Variants in PRKAG2 observed in about 807,000 individuals in gnomAD.
PRKAG2 encodes the protein 5'-AMP-activated protein kinase subunit gamma-2.
Under a neutral mutation model 69.6 loss-of-function variants are expected in PRKAG2, and 26 were observed. The observed-to-expected ratio is 0.37, with a 90% CI of 0.27 to 0.52. The LOEUF is 0.52. Among genes scored for constraint, PRKAG2 ranks in the 20% least tolerant of loss-of-function variants. The probability of loss-of-function intolerance (pLI) is 0.90; values close to 1 mark genes in which losing one functional copy is unlikely to be tolerated. For missense variants in PRKAG2, 557 were observed against 740.0 expected, an observed-to-expected ratio of 0.75 and a Z score of 2.87; for synonymous variants, 293 against 285.0, an observed-to-expected ratio of 1.03 and a Z score of -0.28.
At chr7:151,725,832 G>A (rs1252287514) in intron 3 of PRKAG2, among the ~76,000 whole-genome samples, 2 of 152,172 alleles carry the variant, frequency 1.3e-5, no homozygotes, top group African/African-American at 4.8e-5. Context: ...GAAAGAGGCC[G>A]AGAGGAGCTA....
At chr7:151,608,119 G>T (rs1328510773) in intron 5 of PRKAG2, among the ~76,000 whole-genome samples, 2 of 152,162 alleles carry the variant, frequency 1.3e-5, no homozygotes, top group African/African-American at 4.8e-5. Flanking sequence ...GGATGCCAAG[G>T]ACTGCCGGCA....
At chr7:151,740,227 C>T (rs962967410) in intron 3 of PRKAG2, among the ~76,000 whole-genome samples, 7 of 152,252 alleles carry the variant, frequency 4.6e-5, no homozygotes, top group South Asian at 2.1e-4. Context: ...GCACAGCAGA[C>T]GCCCGAAGGA....
At chr7:151,586,114 G>A (rs1308421033) in intron 6 of PRKAG2, among the ~76,000 whole-genome samples, 2 of 152,204 alleles carry the variant, frequency 1.3e-5, no homozygotes, top group Non-Finnish European at 2.9e-5. Flanking sequence ...AATGGCCCAC[G>A]AGAGGCATCC....
At chr7:151,718,653 A>T (rs1796565106) in intron 3 of PRKAG2, among the ~76,000 whole-genome samples, 1 of 128,284 alleles carries the variant, frequency 7.8e-6, no homozygotes. Flanking sequence ...CAAACAAAAA[A>T]ACCCAGGTTT....
chr7:151,863,772 G>A (rs983471311), intron 1 of PRKAG2, among the ~76,000 whole-genome samples: 4 of 152,034 alleles, frequency 2.6e-5, no homozygotes, highest in Non-Finnish European at 5.9e-5. Context: ...AAAATTAGCC[G>A]GGCTTGGTGG....
chr7:151,725,151 G>A (rs1043912650), intron 3 of PRKAG2, among the ~76,000 whole-genome samples: 3 of 152,038 alleles, frequency 2.0e-5, no homozygotes, highest in African/African-American at 7.3e-5. Flanking sequence ...CGTGTCCATC[G>A]ACGCATGAAC....
At chr7:151,863,833 C>A (rs1251973171) in intron 1 of PRKAG2, among the ~76,000 whole-genome samples, 1 of 151,788 alleles carries the variant, frequency 6.6e-6, no homozygotes, top group East Asian at 1.9e-4. Flanking sequence ...ATCGCTTGAG[C>A]TCAGGAGTTC....
intron 1 of PRKAG2, among the ~76,000 whole-genome samples, chr7:151,845,725 T>C (rs1414105743): frequency 2.0e-5 from 3 of 152,134 alleles, no homozygotes; most frequent in African/African-American, 7.2e-5. Flanking sequence ...GGGCGGCAGG[T>C]AGTGGGAGCC....
In PRKAG2 at chr7:151,876,638, G is replaced by T; in HGVS notation, c.-18C>A. The T allele has an allele frequency of 1.2e-6, 2 of 1,604,420 alleles. No homozygotes were observed. ...CTTCCCATAACTCTAACCAGAAGTT[G>T]ATTCTGCGAAACTCCTCGGGGGTTC... On this transcript the variant is annotated 5_prime_UTR_variant, in exon 1 of 16. Transcript: ENST00000287878.
rs185167628 is a variant in PRKAG2 at position 151,821,787 on chromosome 7, C to T, written c.115-35246G>A. ...CAGCTTTGCTTTGCCAGTGCTGGGACGTTGGCTAAGTCATTTAGCCTCTCT... is the reference window on the plus strand; with the variant it reads ...CAGCTTTGCTTTGCCAGTGCTGGGATGTTGGCTAAGTCATTTAGCCTCTCT... On this transcript the variant is annotated intron_variant, in intron 1 of 15. Transcript: ENST00000287878. 8.5e-5 allele frequency among the ~76,000 whole-genome samples: 13 copies of T among 152,258 alleles called. No individual in the cohort carries two copies. The East Asian group carries it at 1.9e-3, about 23-fold the overall frequency.
At position 151,827,539 on chromosome 7, in the gene PRKAG2, G is replaced by A. The variant is rs375874037; in HGVS notation, c.115-40998C>T. ...CAGGTGTGAGCCACTGCACCCAGCC[G>A]GAACTGGGGTTTATTAAATGTCCCT... On this transcript the variant is annotated intron_variant, in intron 1 of 15. Transcript: ENST00000287878. Among the ~76,000 whole-genome samples, 253 of 152,100 alleles carry A rather than the reference G, an allele frequency of 1.7e-3. 4 individuals carry two copies. In the South Asian group the frequency reaches 0.037, roughly 22 times the overall value.
rs1276308185 is a variant in PRKAG2, at chr7:151,836,225, C to A, written c.114+40282G>T. Reference sequence around the variant, plus strand: ...TGTCTGTCATCTCTTCCCCAGGAGACTGAGAGACTCGGGGGAGCAGGGGCT... The same window carrying A: ...TGTCTGTCATCTCTTCCCCAGGAGAATGAGAGACTCGGGGGAGCAGGGGCT... On this transcript the variant is annotated intron_variant, in intron 1 of 15. Transcript: ENST00000287878. This position sits in a 1 kb window ranked among gnomAD's most constrained non-coding sequence, Gnocchi z 4.1. Among the ~76,000 whole-genome samples the A allele has an allele frequency of 6.6e-6, 1 of 152,202 alleles. No individual in the cohort carries two copies. The highest frequency in any genetic ancestry group is 1.5e-5 in the Non-Finnish European group (1 of 68,036).
rs76357939 is a variant in PRKAG2 at position 151,828,334 on chromosome 7, C to T, written c.115-41793G>A. ...ACAAGGGGTGACGGCAGGACTCTCCCCGGATTCAGGTCTATGTTGTATTCA... is the reference window on the plus strand; with the variant it reads ...ACAAGGGGTGACGGCAGGACTCTCCTCGGATTCAGGTCTATGTTGTATTCA... On this transcript the variant is annotated intron_variant, in intron 1 of 15. Coordinates refer to ENST00000287878, the MANE Select transcript of PRKAG2 (RefSeq NM_016203.4). The surrounding 1 kb of genome is among the most constrained non-coding windows in gnomAD (Gnocchi z 4.6). Among the ~76,000 whole-genome samples, 27,740 of 152,170 alleles carry T rather than the reference C, an allele frequency of 0.18. 3,103 individuals are homozygous for T. Among genetic ancestry groups the T allele is most frequent in the Middle Eastern group, 0.27 (79 of 294 alleles).
intron 3 of PRKAG2, among the ~76,000 whole-genome samples, chr7:151,725,620 A>G (rs1178036324): frequency 6.6e-6 from 1 of 152,134 alleles, no homozygotes; most frequent in East Asian, 1.9e-4. Context: ...CAGAAGAGCT[A>G]ATATCAAGAA....
At chr7:151,633,769 G>A (rs1445263418) in intron 4 of PRKAG2, among the ~76,000 whole-genome samples, 1 of 152,166 alleles carries the variant, frequency 6.6e-6, no homozygotes, top group Non-Finnish European at 1.5e-5. Context: ...TGGAGAGACA[G>A]TCCTGAGCTG....
At chr7:151,793,019 ATC>A (rs1181149307) in intron 1 of PRKAG2, among the ~76,000 whole-genome samples, 19 of 152,166 alleles carry the variant, frequency 1.2e-4, no homozygotes, top group African/African-American at 4.6e-4. Context: ...TCAGTTTTTC[ATC>A]TGTCAAATGA....
chr7:151,829,087 C>G (rs545921044), intron 1 of PRKAG2, among the ~76,000 whole-genome samples: 1 of 152,186 alleles, frequency 6.6e-6, no homozygotes, highest in Admixed American at 6.5e-5. Context: ...AGCACACCAT[C>G]AAGAAGATGG....
intron 1 of PRKAG2, among the ~76,000 whole-genome samples, chr7:151,856,778 G>A (rs892600054): frequency 5.3e-5 from 8 of 152,164 alleles, no homozygotes; most frequent in East Asian, 1.9e-4. Flanking sequence ...CATCAGCCAC[G>A]TGGCCGCCAC....
chr7:151,710,355 G>A (rs920208965), intron 3 of PRKAG2, among the ~76,000 whole-genome samples: 2 of 152,154 alleles, frequency 1.3e-5, no homozygotes, highest in African/African-American at 4.8e-5. Flanking sequence ...CCCTGAGGCA[G>A]CACACCAAGT....
Sources: gnomAD v4.1 joint callset for allele counts (sites outside exome capture counted in the v4.1 genomes callset) on GRCh38, gnomAD v4.1.1 for gene constraint, Gnocchi (gnomAD v3.1) non-coding constraint, MANE v1.5 for transcripts, NCBI Gene and HGNC (gene_info 2026-07-23, HGNC 2026-07-21) for gene names.